The following GRHL1 variants were observed in gnomAD, a reference collection of about 807,000 sequenced individuals.
GRHL1 encodes grainyhead-like protein 1 homolog.
A neutral mutation model predicts 75.7 loss-of-function variants in GRHL1; 38 were observed. That is an observed-to-expected ratio of 0.50 (90% CI 0.39 to 0.66). The LOEUF is 0.66. GRHL1 is among the 30% of genes least tolerant of loss of function. The pLI, the probability that GRHL1 is intolerant of heterozygous loss-of-function variation, is 0.00. For synonymous variants in GRHL1, 266 were observed against 279.4 expected (o/e 0.95, Z 0.48); for missense variants, 589 against 767.5 (o/e 0.77, Z 2.75).
At chr2:9,991,777 C>A (rs777978728) in intron 10 of GRHL1, among the ~76,000 whole-genome samples, 11 of 152,202 alleles carry the variant, frequency 7.2e-5, no homozygotes, top group Non-Finnish European at 1.2e-4. Context: ...TTTGAAGATA[C>A]CTTTTCCCTT....
At chr2:9,976,661 C>T (rs1425665920) in intron 8 of GRHL1, among the ~76,000 whole-genome samples, 5 of 152,036 alleles carry the variant, frequency 3.3e-5, no homozygotes, top group Non-Finnish European at 5.9e-5. Flanking sequence ...CCAGGGTGTG[C>T]GCTTAGGTTT....
Position 9,955,186 on chromosome 2 carries a change from A to G in GRHL1, c.207+85A>G, listed in dbSNP as rs966164392. The stretch of plus-strand genomic sequence containing the variant: ...CATAGAAACAGACATTTGCTGGTAG[A>G]ATGCCATGCAAGTTGCTTCTGTAGT... On this transcript the variant is annotated intron_variant, in intron 2 of 15. Coordinates refer to ENST00000324907, the MANE Select transcript of GRHL1 (RefSeq NM_198182.3). 3.5e-6 allele frequency: 3 copies of G among 865,792 alleles called. No individual in the cohort carries two copies. In the African/African-American group the frequency reaches 5.1e-5, roughly 15 times the overall value. The allele number at this position is 865,792 out of a possible 1,614,324, so 53.6% of individuals were successfully genotyped here.
intron 8 of GRHL1, among the ~76,000 whole-genome samples, chr2:9,977,288 A>G (rs1185525421): frequency 6.7e-6 from 1 of 148,936 alleles, no homozygotes; most frequent in Non-Finnish European, 1.5e-5. Context: ...TATTTAATTC[A>G]GTACCATTTA....
intron 8 of GRHL1, among the ~76,000 whole-genome samples, 162 bp from the exon 9 acceptor site, chr2:9,985,962 C>T (rs1668400104): frequency 6.6e-6 from 1 of 152,166 alleles, no homozygotes; most frequent in South Asian, 2.1e-4. Context: ...TTAAAATAAA[C>T]CCCTGATCAC....
chr2:9,988,188 G>A (rs1319933635), intron 9 of GRHL1, among the ~76,000 whole-genome samples: 2 of 152,096 alleles, frequency 1.3e-5, no homozygotes, highest in East Asian at 3.8e-4. Context: ...TAAGTTGCTC[G>A]GAAACCATCT....
chr2:9,958,231 G>A (rs1432348038), intron 2 of GRHL1, among the ~76,000 whole-genome samples: 2 of 149,508 alleles, frequency 1.3e-5, no homozygotes, highest in Non-Finnish European at 3.0e-5. Flanking sequence ...AGGCCAGAGT[G>A]CAGTGGCGCA....
chr2:9,954,435 C>T (rs539996255), intron 1 of GRHL1, among the ~76,000 whole-genome samples: 5 of 152,262 alleles, frequency 3.3e-5, no homozygotes, highest in African/African-American at 1.2e-4. Context: ...CCCCTCCCCA[C>T]TGTGTTCAGG....
intron 4 of GRHL1, 75 bp downstream of exon 4, chr2:9,961,511 T>G (rs528790803): frequency 7.2e-7 from 1 of 1,390,470 alleles, no homozygotes; most frequent in South Asian, 1.4e-5. Context: ...TTCCTTGTTA[T>G]GTAAGCATGA....
At position 9,990,747 on chromosome 2, in the gene GRHL1, G is replaced by A. The variant is rs1341499823; in HGVS notation, c.1321G>A (p.Val441Ile). The stretch of plus-strand genomic sequence containing the variant: ...AGAACGAAAGCAAAGCAAAAGAAAA[G>A]GCAAGTGTCCTGACCCCAGCTCCCA... ...DEERKQSKRK[V>I]SDVKVPLLPS... The change falls in exon 10 of 16, where the codon GTT (valine) becomes ATT (isoleucine). Residue 441 changes from valine to isoleucine, a missense_variant and splice_region_variant. Physicochemically the swap from Val to Ile is conservative, Grantham distance 29. Coordinates refer to ENST00000324907, the MANE Select transcript of GRHL1 (RefSeq NM_198182.3). The surrounding 1 kb of genome is among the most constrained non-coding windows in gnomAD (Gnocchi z 4.2). 7 of 1,611,754 alleles carry A rather than the reference G, an allele frequency of 4.3e-6. No homozygotes were observed. The highest frequency in any genetic ancestry group is 5.9e-6 in the Non-Finnish European group (7 of 1,178,392).
intron 2 of GRHL1, among the ~76,000 whole-genome samples, chr2:9,955,425 G>A (rs1666972558): frequency 6.6e-6 from 1 of 152,138 alleles, no homozygotes; most frequent in East Asian, 1.9e-4. Context: ...ATGGAAAGTG[G>A]GCAGGGGTCA....
In GRHL1 at chr2:9,963,942, A is replaced by G. The variant is rs1448814495; in HGVS notation, c.803A>G (p.Asp268Gly). The change falls in exon 6 of 16, where the codon GAC (aspartate) becomes GGC (glycine). Residue 268 changes from aspartate (D) to glycine (G), a missense_variant. This residue lies in a region of GRHL1 where 362 missense variants were observed against 461.8 expected (regional missense o/e 0.78). Transcript: ENST00000324907. ...AAATCACTTCGACAGAAGCCAGGAGACAGTACCATGACGTACCTGAACAAA... is the reference window on the plus strand; with the variant it reads ...AAATCACTTCGACAGAAGCCAGGAGGCAGTACCATGACGTACCTGAACAAA... ...ASKSLRQKPG[D>G]STMTYLNKGQ... The G allele has an allele frequency of 2.5e-6, 4 of 1,613,558 alleles. No individual in the cohort carries two copies. Among genetic ancestry groups the G allele is most frequent in the Non-Finnish European group, 3.4e-6 (4 of 1,179,604 alleles).
intron 2 of GRHL1, among the ~76,000 whole-genome samples, chr2:9,957,660 C>T (rs190627774): frequency 1.6e-4 from 24 of 152,020 alleles, no homozygotes; most frequent in African/African-American, 1.2e-4. Context: ...CCACCCGCCT[C>T]GGCCTCCCAA....
chr2:9,955,528 G>C (rs1337714107), intron 2 of GRHL1, among the ~76,000 whole-genome samples: 1 of 152,100 alleles, frequency 6.6e-6, no homozygotes, highest in East Asian at 1.9e-4. Context: ...CTGTAGTCTA[G>C]GACTGTCCAG....
At chr2:9,956,870 T>C (rs1325009655) in intron 2 of GRHL1, among the ~76,000 whole-genome samples, 1 of 152,224 alleles carries the variant, frequency 6.6e-6, no homozygotes, top group African/African-American at 2.4e-5. Context: ...GTGATAACAC[T>C]AGGTGTACTA....
intron 5 of GRHL1, among the ~76,000 whole-genome samples, 165 bp from the exon 6 acceptor site, chr2:9,963,721 A>AT (rs1667371795): frequency 6.6e-6 from 1 of 152,178 alleles, no homozygotes; most frequent in Non-Finnish European, 1.5e-5. Flanking sequence ...TTAATCGGCA[A>AT]TTTGTACTTC....
intron 1 of GRHL1, among the ~76,000 whole-genome samples, chr2:9,952,268 C>T (rs1214485994): frequency 6.6e-6 from 1 of 152,172 alleles, no homozygotes; most frequent in Non-Finnish European, 1.5e-5. Context: ...GGGGCTCGCG[C>T]CGCGTCGGGA....
Position 9,961,084 on chromosome 2 carries a change from C to G in GRHL1, c.317C>G (p.Ser106Cys), listed in dbSNP as rs761844045. The change falls in exon 4 of 16, where the codon TCT becomes TGT. Residue 106 changes from serine (S) to cysteine (C), a missense_variant. Ser to Cys is a moderately radical substitution (Grantham distance 112, BLOSUM62 -1). Coordinates refer to ENST00000324907, the MANE Select transcript of GRHL1 (RefSeq NM_198182.3). ...ATTGTGACAGAGCAGCCCCTCATCTCTGCTGGAGAAAACAGAGTGCAAGTA... is the reference window on the plus strand; with the variant it reads ...ATTGTGACAGAGCAGCCCCTCATCTGTGCTGGAGAAAACAGAGTGCAAGTA... ...IPIVTEQPLI[S>C]AGENRVQVLK... 9.2e-5 allele frequency: 143 copies of G among 1,558,444 alleles called. No individual in the cohort carries two copies. The highest frequency in any genetic ancestry group is 1.2e-4 in the Non-Finnish European group (139 of 1,150,342).
At chr2:9,955,215 TATAA>T in intron 2 of GRHL1, 114 bp downstream of exon 2, 1 of 668,888 alleles carries the variant, frequency 1.5e-6, no homozygotes, top group South Asian at 2.0e-5. Flanking sequence ...CTGTAGTGAC[TATAA>T]ATAGTTTAAT....
chr2:9,971,332 C>T (rs1438831468), intron 8 of GRHL1, among the ~76,000 whole-genome samples: 1 of 151,938 alleles, frequency 6.6e-6, no homozygotes, highest in East Asian at 1.9e-4. Context: ...GAGGAAGGAG[C>T]GGGGAGAGAA....
Sources: allele counts gnomAD v4.1 joint callset (sites outside exome capture counted in the v4.1 genomes callset), GRCh38; gene constraint gnomAD v4.1.1; regional missense constraint gnomAD v4.1.1; non-coding constraint Gnocchi (gnomAD v3.1); transcripts MANE v1.5; gene names NCBI Gene and HGNC (gene_info 2026-07-23, HGNC 2026-07-21).